The following UGP2 variants were observed in gnomAD, a reference collection of about 807,000 sequenced individuals.
UGP2 encodes UTP--glucose-1-phosphate uridylyltransferase.
A neutral mutation model predicts 49.0 loss-of-function variants in UGP2; 40 were observed. The ratio of observed to expected loss-of-function variants is 0.82; its 90% CI spans 0.63 to 1.06. The LOEUF is 1.06. UGP2 is among the 50% of genes least tolerant of loss of function. The probability of loss-of-function intolerance (pLI) is 0.00; values close to 1 mark genes in which losing one functional copy is unlikely to be tolerated. For missense variants in UGP2, 460 were observed against 603.5 expected, an observed-to-expected ratio of 0.76 and a Z score of 2.49; for synonymous variants, 225 against 213.0, an observed-to-expected ratio of 1.06 and a Z score of -0.49.
chr2:63,843,176 G>C (rs184292274), intron 1 of UGP2, among the ~76,000 whole-genome samples: 1 of 152,310 alleles, frequency 6.6e-6, no homozygotes, highest in East Asian at 1.9e-4. Context: ...GCCCTACTGA[G>C]TTCTACATCG....
intron 3 of UGP2, among the ~76,000 whole-genome samples, chr2:63,869,922 A>ACTTTTTT (rs1553464349): frequency 7.4e-6 from 1 of 135,482 alleles, no homozygotes. Flanking sequence ...ATTAAAATTA[A>ACTTTTTT]TTTTTTTTTT....
chr2:63,867,072 A>G (rs1670235826), intron 3 of UGP2, among the ~76,000 whole-genome samples: 1 of 152,224 alleles, frequency 6.6e-6, no homozygotes, highest in South Asian at 2.1e-4. Flanking sequence ...TATTGTGTGA[A>G]TTTTTATAGT....
chr2:63,880,908 T>C (rs926032006), intron 3 of UGP2, among the ~76,000 whole-genome samples: 2 of 151,532 alleles, frequency 1.3e-5, no homozygotes, highest in African/African-American at 4.8e-5. Flanking sequence ...TGTCCCCTCC[T>C]CTTATCTTTT....
intron 3 of UGP2, among the ~76,000 whole-genome samples, chr2:63,858,304 T>C (rs1371758636): frequency 6.6e-6 from 1 of 152,260 alleles, no homozygotes; most frequent in African/African-American, 2.4e-5. Context: ...CATGGATGCT[T>C]AGCCAGACCT....
chr2:63,857,230 G>T (rs2104280766), intron 2 of UGP2, among the ~76,000 whole-genome samples: 1 of 151,918 alleles, frequency 6.6e-6, no homozygotes, highest in South Asian at 2.1e-4. Flanking sequence ...AAGCCTGGGA[G>T]GTGAAGTTTG....
intron 5 of UGP2, 89 bp from the exon 6 acceptor site, chr2:63,885,500 T>C: frequency 9.2e-7 from 1 of 1,086,646 alleles, no homozygotes; most frequent in Non-Finnish European, 1.2e-6. Context: ...AGAAGTGAAA[T>C]TTTATTTAAC....
rs549542800 is a variant in UGP2 at position 63,882,342 on chromosome 2, T to C, written c.256-124T>C. On this transcript the variant is annotated intron_variant, in intron 3 of 9. Transcript: ENST00000337130. ...AGGGCCTATGACATTAAAGAAAAGTTGATTAAAACTTTCCACAGAGAAACC... is the reference window on the plus strand; with the variant it reads ...AGGGCCTATGACATTAAAGAAAAGTCGATTAAAACTTTCCACAGAGAAACC... 4 of 892,588 alleles carry C rather than the reference T, an allele frequency of 4.5e-6. No individual in the cohort carries two copies. The African/African-American group carries it at 6.7e-5, about 15-fold the overall frequency. The allele number at this position is 892,588 out of a possible 1,614,324, so 55.3% of individuals were successfully genotyped here.
chr2:63,870,688 G>A (rs551287408), intron 3 of UGP2, among the ~76,000 whole-genome samples: 21 of 152,192 alleles, frequency 1.4e-4, no homozygotes, highest in Middle Eastern at 3.4e-3. Context: ...TCATTTATTC[G>A]CTTATTCACA....
intron 7 of UGP2, among the ~76,000 whole-genome samples, 196 bp from the exon 8 acceptor site, chr2:63,887,206 A>G (rs971566743): frequency 6.6e-6 from 1 of 151,864 alleles, no homozygotes; most frequent in Non-Finnish European, 1.5e-5. Context: ...CAGAGGCTAC[A>G]GTGAGCCGAG....
At chr2:63,868,511 T>C (rs1670323850) in intron 3 of UGP2, among the ~76,000 whole-genome samples, 1 of 152,182 alleles carries the variant, frequency 6.6e-6, no homozygotes, top group Non-Finnish European at 1.5e-5. Context: ...TATAGTTGGG[T>C]AGGTTGGTTC....
chr2:63,856,513 G>A lies in UGP2; in HGVS notation c.147+80G>A, dbSNP rs568531291. 16 of 1,423,762 alleles carry A rather than the reference G, an allele frequency of 1.1e-5. No homozygotes were observed. The South Asian group carries it at 1.9e-4, about 17-fold the overall frequency. 88.2% of individuals were successfully genotyped at this position (1,423,762 alleles called of 1,614,324 possible). A position where few individuals can be genotyped will look rare whatever the true frequency, so the allele number is the denominator to read the frequency against. On this transcript the variant is annotated intron_variant, in intron 2 of 9. Coordinates refer to ENST00000337130, the MANE Select transcript of UGP2 (RefSeq NM_006759.4). ...ATGCTGAGTTGCTGCCGGTGATGATGATAATCATCACCTCAAATCAGCACA... is the reference window on the plus strand; with the variant it reads ...ATGCTGAGTTGCTGCCGGTGATGATAATAATCATCACCTCAAATCAGCACA...
At chr2:63,862,737 T>A in intron 3 of UGP2, 1 of 448,810 alleles carries the variant, frequency 2.2e-6, no homozygotes, top group Admixed American at 2.4e-5. Flanking sequence ...GTAATACTAC[T>A]ATTTGAACAT....
intron 3 of UGP2, among the ~76,000 whole-genome samples, chr2:63,869,464 G>C (rs930044651): frequency 6.6e-6 from 1 of 152,122 alleles, no homozygotes; most frequent in African/African-American, 2.4e-5. Flanking sequence ...ACATTTAATA[G>C]AGAACTAACC....
intron 1 of UGP2, among the ~76,000 whole-genome samples, chr2:63,844,559 G>A (rs2104235388): frequency 6.6e-6 from 1 of 152,186 alleles, no homozygotes; most frequent in South Asian, 2.1e-4. Context: ...ATAAAGCACT[G>A]ATTGATTGAT....
In UGP2 at chr2:63,862,773, C is replaced by T. The variant is rs151242484; in HGVS notation, c.255+4837C>T. On this transcript the variant is annotated intron_variant, in intron 3 of 9. Transcript: ENST00000337130. ...TGCCAGTCCCTCCAATTCCAATTTC[C>T]ACCCCACAGAGAAAGTATGGTGTTA... 582 of 454,254 alleles carry T rather than the reference C, an allele frequency of 1.3e-3. 8 individuals are homozygous for T. The East Asian group carries it at 0.032, about 25-fold the overall frequency. The allele number at this position is 454,254 out of a possible 1,614,324, so 28.1% of individuals were successfully genotyped here.
intron 8 of UGP2, chr2:63,887,859 T>C (rs1315518048): frequency 6.2e-6 from 4 of 642,156 alleles, no homozygotes; most frequent in Middle Eastern, 4.6e-4. Context: ...GAAAATAATC[T>C]TTAAATTTTG....
intron 9 of UGP2, 128 bp downstream of exon 9, chr2:63,890,313 T>C (rs139485198): frequency 0.21 from 130,322 of 633,008 alleles, 15,744 homozygotes; most frequent in Non-Finnish European, 0.24. Context: ...ACTAGTGTAA[T>C]TATTTTACTG....
intron 3 of UGP2, among the ~76,000 whole-genome samples, chr2:63,881,559 A>G (rs562940873): frequency 6.6e-6 from 1 of 152,350 alleles, no homozygotes; most frequent in Admixed American, 6.5e-5. Flanking sequence ...ATGGATAGAA[A>G]ATACATTGTG....
intron 3 of UGP2, among the ~76,000 whole-genome samples, chr2:63,872,250 A>G (rs1195586274): frequency 6.6e-6 from 1 of 152,242 alleles, no homozygotes; most frequent in Non-Finnish European, 1.5e-5. Context: ...GCCATTGATT[A>G]TAAGTTACAC....
Sources: allele counts gnomAD v4.1 joint callset (sites outside exome capture counted in the v4.1 genomes callset), GRCh38; gene constraint gnomAD v4.1.1; transcripts MANE v1.5; gene names NCBI Gene and HGNC (gene_info 2026-07-23, HGNC 2026-07-21).